Variants in EPB41L1 observed in about 807,000 individuals in gnomAD.
EPB41L1 encodes the protein erythrocyte membrane protein band 4.1 like 1.
Under a neutral mutation model 97.8 loss-of-function variants are expected in EPB41L1, and 29 were observed. The ratio of observed to expected loss-of-function variants is 0.30; its 90% CI spans 0.22 to 0.40. EPB41L1 has a LOEUF of 0.40. Among genes scored for constraint, EPB41L1 ranks in the 10% least tolerant of loss-of-function variants. EPB41L1 has a pLI of 1.00. For synonymous variants in EPB41L1, 383 were observed against 459.2 expected, an observed-to-expected ratio of 0.83 and a Z score of 2.12; for missense variants, 812 against 1,162.3, an observed-to-expected ratio of 0.70 and a Z score of 4.38.
intron 5 of EPB41L1, among the ~76,000 whole-genome samples, chr20:36,179,200 C>T (rs998874059): frequency 3.9e-4 from 60 of 151,934 alleles, no homozygotes; most frequent in Admixed American, 3.6e-3. Context: ...AGAAGAGAGA[C>T]GACTGTGCAG....
chr20:36,165,963 C>G (rs1018229941), intron 1 of EPB41L1, among the ~76,000 whole-genome samples: 5 of 152,246 alleles, frequency 3.3e-5, no homozygotes, highest in South Asian at 2.1e-4. Flanking sequence ...TTGGACAAAT[C>G]CATTTGCCTC....
chr20:36,189,466 C>T (rs943655112), intron 9 of EPB41L1, among the ~76,000 whole-genome samples: 2 of 152,192 alleles, frequency 1.3e-5, no homozygotes, highest in East Asian at 3.9e-4. Context: ...GCCTCTTCGG[C>T]CTTGAGATCT....
intron 1 of EPB41L1, among the ~76,000 whole-genome samples, chr20:36,095,781 C>A (rs533159149): frequency 6.6e-6 from 1 of 152,194 alleles, no homozygotes; most frequent in African/African-American, 2.4e-5. Flanking sequence ...TGGTGGCTCA[C>A]GCCTGTAATC....
In EPB41L1 at chr20:36,140,360, C is replaced by T. The variant is rs575064755; in HGVS notation, c.-10+27880C>T. ...TGCTGGGATTACAGGCATGAGCCACCGCACCCAACCAGGATTAAGTGCTTT... is the reference window on the plus strand; with the variant it reads ...TGCTGGGATTACAGGCATGAGCCACTGCACCCAACCAGGATTAAGTGCTTT... On this transcript the variant is annotated intron_variant, in intron 2 of 19. Transcript: ENST00000202028. 2.1e-4 allele frequency among the ~76,000 whole-genome samples: 32 copies of T among 152,084 alleles called. No individual in the cohort carries two copies. In the South Asian group the frequency reaches 2.5e-3, roughly 12 times the overall value.
rs757146129 is a variant in EPB41L1, at chr20:36,199,374, G to C, written c.1668+1333G>C. 4.6e-5 allele frequency among the ~76,000 whole-genome samples: 7 copies of C among 152,150 alleles called. 1 individual carries two copies. The highest frequency in any genetic ancestry group is 3.2e-3 in the Middle Eastern group (1 of 316). On this transcript the variant is annotated intron_variant, in intron 14 of 21. Transcript: ENST00000338074. The stretch of plus-strand genomic sequence containing the variant: ...TAGGAGCAAGACCAAATCACATAAA[G>C]ACCAGGTAGAGAGTCAATTGTATGT...
intron 8 of EPB41L1, among the ~76,000 whole-genome samples, chr20:36,188,012 G>A (rs939980149): frequency 4.6e-5 from 7 of 152,216 alleles, no homozygotes; most frequent in African/African-American, 7.2e-5. Context: ...AGGGAAAGAC[G>A]TAGGCCTTAG....
intron 1 of EPB41L1, among the ~76,000 whole-genome samples, chr20:36,158,379 G>A (rs1361886658): frequency 1.3e-5 from 2 of 152,106 alleles, no homozygotes; most frequent in African/African-American, 2.4e-5. Flanking sequence ...TCCTATTTTG[G>A]TGCTCAGGGA....
At chr20:36,145,664 C>G (rs895108609) in intron 2 of EPB41L1, among the ~76,000 whole-genome samples, 2 of 152,198 alleles carry the variant, frequency 1.3e-5, no homozygotes, top group Admixed American at 1.3e-4. Context: ...CTGACACTAT[C>G]CACCATTGCT....
At chr20:36,130,209 TG>T (rs1358880349) in intron 2 of EPB41L1, among the ~76,000 whole-genome samples, 2 of 152,086 alleles carry the variant, frequency 1.3e-5, no homozygotes, top group Non-Finnish European at 2.9e-5. Flanking sequence ...TCGAAAATGC[TG>T]GGATTACAGG....
intron 2 of EPB41L1, among the ~76,000 whole-genome samples, chr20:36,121,992 G>T (rs990231811): frequency 6.6e-6 from 1 of 152,216 alleles, no homozygotes; most frequent in African/African-American, 2.4e-5. Context: ...ACTTTGCCAG[G>T]TGTCACCAAA....
At chr20:36,168,600 G>C (rs1332037532) in intron 1 of EPB41L1, among the ~76,000 whole-genome samples, 1 of 151,340 alleles carries the variant, frequency 6.6e-6, no homozygotes, top group Non-Finnish European at 1.5e-5. Context: ...GCGCGATCTC[G>C]GCTCACTGCA....
rs184485764 is a variant in EPB41L1, at chr20:36,094,166, A to G, written c.-65+2554A>G. Among the ~76,000 whole-genome samples, 825 of 152,214 alleles carry G rather than the reference A, an allele frequency of 5.4e-3. 2 individuals are homozygous for G. Among genetic ancestry groups the G allele is most frequent in the Middle Eastern group, 0.01 (3 of 294 alleles). On this transcript the variant is annotated intron_variant, in intron 1 of 19. Transcript: ENST00000202028. ...TTTGGGTGTATAGTGAACAGTGAAAATGTATCTCTTGATGTATATGTGTGT... is the reference window on the plus strand; with the variant it reads ...TTTGGGTGTATAGTGAACAGTGAAAGTGTATCTCTTGATGTATATGTGTGT...
At chr20:36,122,348 A>C (rs1260090284) in intron 2 of EPB41L1, among the ~76,000 whole-genome samples, 1 of 152,098 alleles carries the variant, frequency 6.6e-6, no homozygotes, top group Non-Finnish European at 1.5e-5. Flanking sequence ...CCTGCTGTAC[A>C]CCATTCCTGG....
chr20:36,198,112 A>T, intron 14 of EPB41L1, 71 bp downstream of exon 14: 2 of 1,374,834 alleles, frequency 1.5e-6, no homozygotes, highest in Non-Finnish European at 1.0e-6. Context: ...ATCCTGACTT[A>T]CACTCATCCT....
Position 36,209,908 on chromosome 20 carries a change from A to C in EPB41L1, c.2079+10A>C. On this transcript the variant is annotated intron_variant, in intron 15 of 21. Transcript: ENST00000338074. This position sits in a 1 kb window ranked among gnomAD's most constrained non-coding sequence, Gnocchi z 4.2. The stretch of plus-strand genomic sequence containing the variant: ...TATGCCCCAGTTTGAGGTACAGTGG[A>C]GCTTCCTCAAGAGCCAGGCCCGCTG... 6.2e-7 allele frequency: 1 copy of C among 1,612,558 alleles called. No individual in the cohort carries two copies. The highest frequency in any genetic ancestry group is 1.1e-5 in the South Asian group (1 of 90,966).
intron 11 of EPB41L1, among the ~76,000 whole-genome samples, chr20:36,192,708 AGGTTT>A (rs1357482612): frequency 6.6e-6 from 1 of 152,106 alleles, no homozygotes; most frequent in Non-Finnish European, 1.5e-5. Flanking sequence ...TAGAGTGAAT[AGGTTT>A]GGTCCTTTCC....
At chr20:36,138,006 A>AT (rs1216417941) in intron 2 of EPB41L1, among the ~76,000 whole-genome samples, 1 of 152,184 alleles carries the variant, frequency 6.6e-6, no homozygotes, top group African/African-American at 2.4e-5. Context: ...ACTTAGTATA[A>AT]TGTCCTCAAG....
chr20:36,148,692 G>A (rs1189749986), intron 2 of EPB41L1: 4 of 152,300 alleles, frequency 2.6e-5, no homozygotes, highest in African/African-American at 7.2e-5. Context: ...ATGGCAATCA[G>A]TTGTCCAAGC....
intron 11 of EPB41L1, among the ~76,000 whole-genome samples, chr20:36,193,455 G>T (rs2146418972): frequency 6.6e-6 from 1 of 152,312 alleles, no homozygotes; most frequent in Non-Finnish European, 1.5e-5. Flanking sequence ...GATAATCTGA[G>T]CTCTGGTTAT....
Sources: gnomAD v4.1 joint callset for allele counts (sites outside exome capture counted in the v4.1 genomes callset) on GRCh38, gnomAD v4.1.1 for gene constraint, Gnocchi (gnomAD v3.1) non-coding constraint, MANE v1.5 for transcripts, NCBI Gene and HGNC (gene_info 2026-07-23, HGNC 2026-07-21) for gene names.